Variants in CHST11 observed in about 807,000 individuals in gnomAD.
CHST11 encodes the protein C4S-1.
In CHST11, 9 loss-of-function variants were observed where a neutral mutation model predicts 30.4. That is an observed-to-expected ratio of 0.30 (90% CI 0.18 to 0.52). The LOEUF (loss-of-function observed/expected upper bound fraction) is 0.52. CHST11 is among the 20% of genes least tolerant of loss of function. CHST11 has a pLI of 0.97. For synonymous variants in CHST11, 152 were observed against 187.8 expected (o/e 0.81, Z 1.56); for missense variants, 348 against 460.6 (o/e 0.76, Z 2.24).
At chr12:104,696,298 G>A (rs1353872993) in intron 2 of CHST11, among the ~76,000 whole-genome samples, 1 of 151,880 alleles carries the variant, frequency 6.6e-6, no homozygotes, top group Non-Finnish European at 1.5e-5. Context: ...TAACATTGTG[G>A]CATATTTGCT....
intron 2 of CHST11, among the ~76,000 whole-genome samples, chr12:104,610,953 T>C (rs1299200388): frequency 6.6e-6 from 1 of 152,238 alleles, no homozygotes; most frequent in Non-Finnish European, 1.5e-5. Context: ...CCCAGGCACA[T>C]GGCAAGATGC....
chr12:104,587,058 C>T (rs906195660), intron 1 of CHST11, among the ~76,000 whole-genome samples: 1 of 152,146 alleles, frequency 6.6e-6, no homozygotes, highest in South Asian at 2.1e-4. Context: ...ACACTCACAC[C>T]CTCCGCCCCT....
chr12:104,517,277 T>G (rs1285290757), intron 1 of CHST11, among the ~76,000 whole-genome samples: 1 of 152,182 alleles, frequency 6.6e-6, no homozygotes, highest in Non-Finnish European at 1.5e-5. Flanking sequence ...TCAGAGCCTT[T>G]TATTGCACCC....
chr12:104,518,103 T>C (rs75170035), intron 1 of CHST11, among the ~76,000 whole-genome samples: 3,604 of 151,956 alleles, frequency 0.024, 137 homozygotes, highest in East Asian at 0.17. Context: ...CTGGGCAACA[T>C]AGTGAGACCC....
intron 2 of CHST11, among the ~76,000 whole-genome samples, chr12:104,649,549 C>T (rs1863881): frequency 0.3 from 45,276 of 152,062 alleles, 6,907 homozygotes; most frequent in African/African-American, 0.35. Flanking sequence ...CCAAGTGCTT[C>T]TGTCTAAAAG....
At chr12:104,515,282 A>C (rs2038011547) in intron 1 of CHST11, among the ~76,000 whole-genome samples, 1 of 152,186 alleles carries the variant, frequency 6.6e-6, no homozygotes, top group Admixed American at 6.5e-5. Context: ...GCAGAGTTGA[A>C]TAGTTGCTCC....
Position 104,652,836 on chromosome 12 carries a change from C to G in CHST11, c.204+50845C>G, listed in dbSNP as rs145188400. Among the ~76,000 whole-genome samples the G allele has an allele frequency of 9.1e-4, 139 of 152,258 alleles. 1 individual carries two copies. Among genetic ancestry groups the G allele is most frequent in the African/African-American group, 3.2e-3 (134 of 41,562 alleles). The stretch of plus-strand genomic sequence containing the variant: ...GGCCAGTGGCTTTGCTCAGGACAGT[C>G]TCATCCTGGCCAGCGAAGAGGGAGG... On this transcript the variant is annotated intron_variant, in intron 2 of 2. Coordinates refer to ENST00000303694, the MANE Select transcript of CHST11 (RefSeq NM_018413.6).
intron 1 of CHST11, among the ~76,000 whole-genome samples, chr12:104,532,781 A>G (rs886475686): frequency 5.3e-5 from 8 of 152,040 alleles, no homozygotes; most frequent in Non-Finnish European, 1.2e-4. Context: ...CAATGATCCT[A>G]CAATGCTCCT....
rs1262179664 is a variant in CHST11 at position 104,676,852 on chromosome 12, C to T, written c.204+74861C>T. Among the ~76,000 whole-genome samples, 1 of 152,202 alleles carries T rather than the reference C, an allele frequency of 6.6e-6. No individual in the cohort carries two copies. The highest frequency in any genetic ancestry group is 2.4e-5 in the African/African-American group (1 of 41,442). ...CAGGTTCCAGGGATTAGGATGCGGC[C>T]TTTTGGGCGTGTCATTCTGCCTAGC... On this transcript the variant is annotated intron_variant, in intron 2 of 2. Transcript: ENST00000303694. The surrounding 1 kb of genome is among the most constrained non-coding windows in gnomAD (Gnocchi z 4.4).
At chr12:104,572,551 G>A (rs879050480) in intron 1 of CHST11, among the ~76,000 whole-genome samples, 15 of 152,000 alleles carry the variant, frequency 9.9e-5, no homozygotes, top group African/African-American at 2.7e-4. Flanking sequence ...CTGTGGGATC[G>A]GTGGTGATAT....
chr12:104,514,284 A>G (rs1450952301), intron 1 of CHST11: 3 of 878,766 alleles, frequency 3.4e-6, no homozygotes, highest in East Asian at 2.4e-5. Context: ...AGGGGCTGGC[A>G]TTGGAGCGGT....
chr12:104,463,705 A>C (rs2135949518), intron 1 of CHST11, among the ~76,000 whole-genome samples: 1 of 152,314 alleles, frequency 6.6e-6, no homozygotes, highest in East Asian at 1.9e-4. Flanking sequence ...CAGGGGTTGC[A>C]ATATAATATA....
At chr12:104,619,360 CT>C (rs994273000) in intron 2 of CHST11, among the ~76,000 whole-genome samples, 11 of 151,736 alleles carry the variant, frequency 7.2e-5, no homozygotes, top group South Asian at 6.2e-4. Context: ...GGGCTTGGAA[CT>C]TTTTTTTTAA....
chr12:104,635,664 G>A (rs992792307), intron 2 of CHST11, among the ~76,000 whole-genome samples: 3 of 152,244 alleles, frequency 2.0e-5, no homozygotes, highest in South Asian at 2.1e-4. Flanking sequence ...CATCAACTGA[G>A]TGTTACTAAT....
At chr12:104,557,307 C>T (rs58685743) in intron 1 of CHST11, among the ~76,000 whole-genome samples, 17,852 of 152,206 alleles carry the variant, frequency 0.12, 1,142 homozygotes, top group African/African-American at 0.15. Context: ...GCTCCTTCAC[C>T]GCTCATCACC....
chr12:104,544,922 C>G (rs1229157837), intron 1 of CHST11, among the ~76,000 whole-genome samples: 2 of 152,010 alleles, frequency 1.3e-5, no homozygotes, highest in African/African-American at 2.4e-5. Flanking sequence ...TCGAAGTATG[C>G]CATTGTTTTG....
chr12:104,678,787 A>C (rs2039766317), intron 2 of CHST11, among the ~76,000 whole-genome samples: 1 of 152,192 alleles, frequency 6.6e-6, no homozygotes, highest in African/African-American at 2.4e-5. Context: ...ATGAGCATTA[A>C]TTGAGCATCT....
At chr12:104,566,994 T>C (rs1403187258) in intron 1 of CHST11, among the ~76,000 whole-genome samples, 1 of 152,126 alleles carries the variant, frequency 6.6e-6, no homozygotes, top group Non-Finnish European at 1.5e-5. Flanking sequence ...CACACACATG[T>C]ATATGTAAAT....
At chr12:104,731,196 G>A (rs1014497092) in intron 2 of CHST11, among the ~76,000 whole-genome samples, 2 of 152,166 alleles carry the variant, frequency 1.3e-5, no homozygotes, top group African/African-American at 4.8e-5. Context: ...TACTGTACAC[G>A]ACATGGCTTA....
Sources: allele counts gnomAD v4.1 joint callset (sites outside exome capture counted in the v4.1 genomes callset), GRCh38; gene constraint gnomAD v4.1.1; non-coding constraint Gnocchi (gnomAD v3.1); transcripts MANE v1.5; gene names NCBI Gene and HGNC (gene_info 2026-07-23, HGNC 2026-07-21).